The following FRA10AC1 variants were observed in gnomAD, a reference collection of about 807,000 sequenced individuals.
FRA10AC1 encodes protein FRA10AC1.
Under a neutral mutation model 56.5 loss-of-function variants are expected in FRA10AC1, and 43 were observed. The ratio of observed to expected loss-of-function variants is 0.76; its 90% CI spans 0.60 to 0.98. The LOEUF (loss-of-function observed/expected upper bound fraction) is 0.98, where lower values mean the gene tolerates loss of function less well. FRA10AC1 is among the 50% of genes least tolerant of loss of function. The probability of loss-of-function intolerance (pLI) is 0.00; values close to 1 mark genes in which losing one functional copy is unlikely to be tolerated. For missense variants in FRA10AC1, 346 were observed against 351.8 expected, an observed-to-expected ratio of 0.98 and a Z score of 0.13; for synonymous variants, 112 against 110.5, an observed-to-expected ratio of 1.01 and a Z score of -0.09.
chr10:93,683,864 T>G (rs1451080841), intron 10 of FRA10AC1, among the ~76,000 whole-genome samples, 192 bp downstream of exon 10: 1 of 152,178 alleles, frequency 6.6e-6, no homozygotes, highest in East Asian at 1.9e-4. Context: ...CATTTAAAAC[T>G]GCTTGGCAAG....
chr10:93,675,195 T>C (rs1169146830), intron 12 of FRA10AC1: 1 of 152,192 alleles, frequency 6.6e-6, no homozygotes, highest in African/African-American at 2.4e-5. Context: ...CTGCTAAATT[T>C]TTAAACAACA....
chr10:93,676,997 G>A (rs1230484931), intron 11 of FRA10AC1, among the ~76,000 whole-genome samples: 1 of 152,098 alleles, frequency 6.6e-6, no homozygotes, highest in Non-Finnish European at 1.5e-5. Context: ...ATAATTAGCT[G>A]CAATATAAGC....
intron 12 of FRA10AC1, chr10:93,673,141 C>G (rs2058791642): frequency 3.1e-6 from 1 of 319,430 alleles, no homozygotes; most frequent in African/African-American, 2.2e-5. Context: ...AGAGGCAGCC[C>G]ATTTCTCCAT....
chr10:93,700,410 T>C (rs2059311028), intron 1 of FRA10AC1, among the ~76,000 whole-genome samples: 1 of 152,226 alleles, frequency 6.6e-6, no homozygotes, highest in Admixed American at 6.5e-5. Flanking sequence ...GCTTACAAGG[T>C]TTAGCAATCC....
chr10:93,700,132 T>C (rs781091295), intron 1 of FRA10AC1, 26 bp from the exon 2 acceptor site: 2 of 1,335,258 alleles, frequency 1.5e-6, no homozygotes, highest in Non-Finnish European at 2.1e-6. Context: ...AAGTCAGCTA[T>C]TTAGAATCTA....
chr10:93,670,717 G>C, intron 13 of FRA10AC1, 53 bp downstream of exon 13: 1 of 1,165,118 alleles, frequency 8.6e-7, no homozygotes, highest in South Asian at 1.3e-5. Context: ...TGTGGTTATA[G>C]CTTCCTAAAC....
chr10:93,692,783 G>T, intron 5 of FRA10AC1, 54 bp from the exon 6 acceptor site: 1 of 1,163,986 alleles, frequency 8.6e-7, no homozygotes, highest in Non-Finnish European at 1.2e-6. Flanking sequence ...GTCAAATTTA[G>T]GTTAAATAGC....
In FRA10AC1 at chr10:93,687,435, C is replaced by T. The variant is rs749540270; in HGVS notation, c.480G>A (p.Trp160Ter). The change falls in exon 8 of 14, where the codon TGG (tryptophan) becomes TGA (stop). Residue 160 changes from tryptophan to a stop codon, truncating the protein, a stop_gained. Coordinates refer to ENST00000359204, the MANE Select transcript of FRA10AC1 (RefSeq NM_145246.5). LOFTEE classifies it high-confidence loss of function. ...CTGAAATTACTTCTTTTTCTACTCG[C>T]CACCTAAATCCAAACTGATAATAAA... Reference protein sequence around the residue: ...KYKENKFGFRWRVEKEVISGK... With the variant: ...KYKENKFGFR 1 of 1,514,062 alleles carries T rather than the reference C, an allele frequency of 6.6e-7. No individual in the cohort carries two copies. Among genetic ancestry groups the T allele is most frequent in the South Asian group, 1.2e-5 (1 of 82,396 alleles). 93.8% of individuals were successfully genotyped at this position (1,514,062 alleles called of 1,614,324 possible). A position where few individuals can be genotyped will look rare whatever the true frequency, so the allele number is the denominator to read the frequency against.
rs532459680 is a variant in FRA10AC1, at chr10:93,686,564, CTTTAAA to C, written c.511+834_511+839del. On this transcript the variant is annotated intron_variant, in intron 8 of 13. Transcript: ENST00000359204. ...ATAACCCTAAGAAAAGTTAAAATAGCTTTAAATTTATTCTTTTTCCTTAATGTTGTT... is the reference window on the plus strand; with the variant it reads ...ATAACCCTAAGAAAAGTTAAAATAGCTTTATTCTTTTTCCTTAATGTTGTT... 2.3e-4 allele frequency among the ~76,000 whole-genome samples: 35 copies of C among 151,646 alleles called. No homozygotes were observed. The South Asian group carries it at 7.1e-3, about 31-fold the overall frequency.
intron 4 of FRA10AC1, among the ~76,000 whole-genome samples, chr10:93,695,882 T>C (rs1376802647): frequency 1.3e-5 from 2 of 149,954 alleles, no homozygotes; most frequent in African/African-American, 5.0e-5. Context: ...AACGGCCAGA[T>C]GGTAAATATT....
At chr10:93,698,474 A>G (rs72808878) in intron 2 of FRA10AC1, 78 bp from the exon 3 acceptor site, 26,882 of 777,110 alleles carry the variant, frequency 0.035, 716 homozygotes, top group South Asian at 0.084. Flanking sequence ...CATAACTGGA[A>G]TATACTTTAA....
At position 93,689,220 on chromosome 10, in the gene FRA10AC1, A is replaced by G. The variant is rs540254931; in HGVS notation, c.466-1771T>C. 3.9e-5 allele frequency among the ~76,000 whole-genome samples: 6 copies of G among 152,066 alleles called. No individual in the cohort carries two copies. In the East Asian group the frequency reaches 1.2e-3, roughly 29 times the overall value. On this transcript the variant is annotated intron_variant, in intron 7 of 13. Transcript: ENST00000359204. ...AGCTATCCTCCCACCTCAGCCTCCCAAAGTACTGGGATTACAGGCAAGAGC... is the reference window on the plus strand; with the variant it reads ...AGCTATCCTCCCACCTCAGCCTCCCGAAGTACTGGGATTACAGGCAAGAGC...
At chr10:93,673,120 C>T (rs1010119116) in intron 12 of FRA10AC1, 4 of 309,038 alleles carry the variant, frequency 1.3e-5, no homozygotes, top group Non-Finnish European at 2.5e-5. Context: ...TGCTGGAACA[C>T]TCGCTACTCC....
In FRA10AC1 at chr10:93,702,473, T is replaced by C. The variant is rs892863232; in HGVS notation, c.-99A>G. ...ACGACCCACGGCCTGAGAGAGCCGC[T>C]GCAGCACAGGTCCCGTGCGCCCTGC... On this transcript the variant is annotated 5_prime_UTR_variant, in exon 1 of 14. Transcript: ENST00000359204. The C allele has an allele frequency of 6.3e-5, 12 of 190,364 alleles. No homozygotes were observed. Among genetic ancestry groups the C allele is most frequent in the Admixed American group, 3.9e-4 (6 of 15,556 alleles). The allele number at this position is 190,364 out of a possible 1,614,324, so 11.8% of individuals were successfully genotyped here.
At chr10:93,686,554 G>C in intron 8 of FRA10AC1, among the ~76,000 whole-genome samples, 1 of 151,640 alleles carries the variant, frequency 6.6e-6, no homozygotes, top group Non-Finnish European at 1.5e-5. Flanking sequence ...CCTAAGAAAA[G>C]TTAAAATAGC....
rs929811512 is a variant in FRA10AC1 at position 93,692,663 on chromosome 10, G to A, written c.363C>T (p.Asp121=). Residue 121 remains aspartate (D), a synonymous_variant, in exon 6 of 14, where the codon GAC becomes GAT. Coordinates refer to ENST00000359204, the MANE Select transcript of FRA10AC1 (RefSeq NM_145246.5). ...CTAATTACCAAGTCATGTCCATTTC[G>A]TCCTCCTCATTCCATAGGAATCTAT... ...ENHRFLWNEE[D]EMDMTWEKRL... 1.3e-5 allele frequency: 21 copies of A among 1,595,266 alleles called. No homozygotes were observed. The highest frequency in any genetic ancestry group is 6.8e-5 in the East Asian group (3 of 43,936).
chr10:93,690,489 T>A (rs1312028957), intron 7 of FRA10AC1, among the ~76,000 whole-genome samples: 3 of 152,156 alleles, frequency 2.0e-5, no homozygotes, highest in African/African-American at 4.8e-5. Context: ...TCAACTAGAC[T>A]AGCTTTTTCT....
At chr10:93,677,558 T>C (rs1169702105) in intron 11 of FRA10AC1, among the ~76,000 whole-genome samples, 1 of 152,148 alleles carries the variant, frequency 6.6e-6, no homozygotes, top group Non-Finnish European at 1.5e-5. Flanking sequence ...AAGAACATAA[T>C]TAGAACCAAA....
intron 11 of FRA10AC1, among the ~76,000 whole-genome samples, chr10:93,678,184 G>A (rs1223208609): frequency 1.3e-5 from 2 of 152,212 alleles, no homozygotes; most frequent in Non-Finnish European, 2.9e-5. Flanking sequence ...GAGCTAAGCA[G>A]AAACCTGAAG....
Sources: allele counts gnomAD v4.1 joint callset (sites outside exome capture counted in the v4.1 genomes callset), GRCh38; gene constraint gnomAD v4.1.1; transcripts MANE v1.5; gene names NCBI Gene and HGNC (gene_info 2026-07-23, HGNC 2026-07-21).